The following MAML2 variants were observed in gnomAD, a reference collection of about 807,000 sequenced individuals.
MAML2 encodes the protein mastermind-like protein 2.
A neutral mutation model predicts 96.1 loss-of-function variants in MAML2; 22 were observed. That is an observed-to-expected ratio of 0.23 (90% CI 0.16 to 0.33). The LOEUF (loss-of-function observed/expected upper bound fraction) is 0.33. Ranked by LOEUF, MAML2 falls within the 10% of genes least tolerant of loss-of-function variation. The pLI, the probability that MAML2 is intolerant of heterozygous loss-of-function variation, is 1.00. For synonymous variants in MAML2, 561 were observed against 521.3 expected (o/e 1.08, Z -1.04); for missense variants, 1,367 against 1,392.4 (o/e 0.98, Z 0.29).
intron 2 of MAML2, among the ~76,000 whole-genome samples, chr11:96,003,476 G>T (rs1270609095): frequency 1.3e-5 from 2 of 151,980 alleles, no homozygotes; most frequent in African/African-American, 4.8e-5. Flanking sequence ...CTTTAAAGGC[G>T]ATTGAGCTTA....
chr11:96,142,326 G>T (rs765972283), intron 1 of MAML2, among the ~76,000 whole-genome samples: 2 of 152,200 alleles, frequency 1.3e-5, no homozygotes, highest in Admixed American at 1.3e-4. Context: ...AGGGGCTAGA[G>T]TTCCCATCTG....
intron 1 of MAML2, among the ~76,000 whole-genome samples, chr11:96,111,690 A>T (rs1474559740): frequency 1.3e-5 from 2 of 152,364 alleles, no homozygotes; most frequent in South Asian, 4.1e-4. Context: ...ATTGTCCCAC[A>T]TGTTGGCCAT....
intron 2 of MAML2, among the ~76,000 whole-genome samples, chr11:96,085,715 G>A (rs539149273): frequency 6.6e-6 from 1 of 152,310 alleles, no homozygotes; most frequent in East Asian, 1.9e-4. Flanking sequence ...ATTGATGGAT[G>A]TGACACACAG....
At chr11:96,106,302 T>C (rs1195385031) in intron 1 of MAML2, among the ~76,000 whole-genome samples, 1 of 152,202 alleles carries the variant, frequency 6.6e-6, no homozygotes, top group Admixed American at 6.5e-5. Flanking sequence ...AGGTCAAAAT[T>C]GTGAATCAAT....
intron 3 of MAML2, among the ~76,000 whole-genome samples, chr11:95,990,858 GATAA>G (rs1227748239): frequency 6.6e-6 from 1 of 152,112 alleles, no homozygotes; most frequent in African/African-American, 2.4e-5. Context: ...GGGCTGAGCA[GATAA>G]ATACTGAAGG....
At chr11:96,317,613 G>A (rs1390737376) in intron 1 of MAML2, among the ~76,000 whole-genome samples, 1 of 152,152 alleles carries the variant, frequency 6.6e-6, no homozygotes, top group Non-Finnish European at 1.5e-5. Context: ...TTTCTCTAAT[G>A]GTCACTCCAG....
At chr11:96,030,645 G>A (rs1454149710) in intron 2 of MAML2, among the ~76,000 whole-genome samples, 1 of 152,166 alleles carries the variant, frequency 6.6e-6, no homozygotes, top group Non-Finnish European at 1.5e-5. Flanking sequence ...AACTCAAGCT[G>A]TATACATGGT....
Position 95,979,410 on chromosome 11 carries a change from T to A in MAML2, c.3009A>T (p.Ala1003=), listed in dbSNP as rs758530135. 6.2e-7 allele frequency: 1 copy of A among 1,613,686 alleles called. No individual in the cohort carries two copies. The highest frequency in any genetic ancestry group is 2.2e-5 in the East Asian group (1 of 44,866). ...AYTPNQSLQQ[A]VGSQQFSQRA... Reference sequence around the variant, plus strand: ...TCTGGGAAAATTGCTGGCTACCTACTGCCTGTTGCAGTGACTGATTTGGGG... The same window carrying A: ...TCTGGGAAAATTGCTGGCTACCTACAGCCTGTTGCAGTGACTGATTTGGGG... The change falls in exon 5 of 5, where the codon GCA becomes GCT. Residue 1003 remains alanine, a synonymous_variant. Coordinates refer to ENST00000524717, the MANE Select transcript of MAML2 (RefSeq NM_032427.4).
intron 1 of MAML2, among the ~76,000 whole-genome samples, chr11:96,158,801 G>A (rs1466713147): frequency 6.6e-6 from 1 of 152,130 alleles, no homozygotes; most frequent in Non-Finnish European, 1.5e-5. Flanking sequence ...AAGAGGATGT[G>A]GATAAGGCTT....
chr11:96,294,604 A>G (rs1240963903), intron 1 of MAML2, among the ~76,000 whole-genome samples: 1 of 152,230 alleles, frequency 6.6e-6, no homozygotes, highest in Non-Finnish European at 1.5e-5. Context: ...GTGGTATAGT[A>G]AACAAATATT....
At chr11:95,991,457 A>G in intron 3 of MAML2, 63 bp downstream of exon 3, 1 of 1,485,254 alleles carries the variant, frequency 6.7e-7, no homozygotes, top group Admixed American at 1.7e-5. Context: ...ATAAATGGAA[A>G]AGAATAAACT....
chr11:95,990,615 G>A (rs972801678), intron 3 of MAML2, among the ~76,000 whole-genome samples: 14 of 152,142 alleles, frequency 9.2e-5, no homozygotes, highest in African/African-American at 2.9e-4. Context: ...TCTCTAGGGT[G>A]AAGAGAGGAT....
chr11:96,293,301 A>G (rs774795836), intron 1 of MAML2, among the ~76,000 whole-genome samples: 8 of 152,198 alleles, frequency 5.3e-5, no homozygotes, highest in Non-Finnish European at 7.4e-5. Flanking sequence ...CTTATTCAAT[A>G]TAAGTGTGAG....
rs539210719 is a variant in MAML2 at position 96,092,078 on chromosome 11, C to T, written c.1953G>A (p.Gln651=). 29 of 1,546,360 alleles carry T rather than the reference C, an allele frequency of 1.9e-5. No individual in the cohort carries two copies. Among genetic ancestry groups the T allele is most frequent in the East Asian group, 9.8e-5 (4 of 40,842 alleles). Residue 651 remains glutamine (Q), a synonymous_variant, in exon 2 of 5, where the codon CAG becomes CAA. Transcript: ENST00000524717. The surrounding 1 kb of genome is among the most constrained non-coding windows in gnomAD (Gnocchi z 4.1). ...GCTGCTGTTGTTGCTGTTGTTGTTGCTGCTGCTGCTGCTGTTGTTGCTGCT... is the reference window on the plus strand; with the variant it reads ...GCTGCTGTTGTTGCTGTTGTTGTTGTTGCTGCTGCTGCTGTTGTTGCTGCT... ...QQQQQQQQQQ[Q]QQQQQQQQQQ...
Position 96,092,093 on chromosome 11 carries a change from T to TTGATGCTGCTGCTGCTGC in MAML2, c.1937_1938insGCAGCAGCAGCAGCATCA (p.Gln650_Gln651insHisGlnGlnGlnGlnGln), listed in dbSNP as rs1859720615. 6.5e-7 allele frequency: 1 copy of TTGATGCTGCTGCTGCTGC among 1,549,550 alleles called. No individual in the cohort carries two copies. On this transcript the variant is annotated inframe_insertion, in exon 2 of 5. Transcript: ENST00000524717. This position sits in a 1 kb window ranked among gnomAD's most constrained non-coding sequence, Gnocchi z 4.1. ...GTTGTTGTTGCTGCTGCTGCTGCTG[T>TTGATGCTGCTGCTGCTGC]TGTTGCTGCTGCTGCTGCTGTTGGG...
At chr11:96,077,902 T>C (rs571383315) in intron 2 of MAML2, among the ~76,000 whole-genome samples, 5 of 152,288 alleles carry the variant, frequency 3.3e-5, no homozygotes, top group African/African-American at 1.2e-4. Context: ...GGATGGGCAT[T>C]TGGGCAGTAC....
At chr11:96,056,704 G>C (rs964143793) in intron 2 of MAML2, among the ~76,000 whole-genome samples, 6 of 152,194 alleles carry the variant, frequency 3.9e-5, no homozygotes, top group Non-Finnish European at 7.3e-5. Context: ...TTGGCTTCCA[G>C]AGAAATACAC....
At chr11:96,302,030 C>A (rs1863393489) in intron 1 of MAML2, among the ~76,000 whole-genome samples, 1 of 152,230 alleles carries the variant, frequency 6.6e-6, no homozygotes, top group African/African-American at 2.4e-5. Context: ...GTGCAAAATA[C>A]AGTCTCATGC....
intron 2 of MAML2, among the ~76,000 whole-genome samples, chr11:96,040,716 G>A (rs912433154): frequency 7.2e-5 from 11 of 152,152 alleles, no homozygotes; most frequent in Middle Eastern, 3.2e-3. Context: ...GCAGTGAGCC[G>A]AGATCGTGCC....
Sources: allele counts gnomAD v4.1 joint callset (sites outside exome capture counted in the v4.1 genomes callset), GRCh38; gene constraint gnomAD v4.1.1; non-coding constraint Gnocchi (gnomAD v3.1); transcripts MANE v1.5; gene names NCBI Gene and HGNC (gene_info 2026-07-23, HGNC 2026-07-21).